The following SOBP variants were observed in gnomAD, a reference collection of about 807,000 sequenced individuals.
The protein encoded by SOBP is sine oculis binding protein homolog, also known as sine oculis-binding protein homolog.
Under a neutral mutation model 53.6 loss-of-function variants are expected in SOBP, and 4 were observed. The observed-to-expected ratio is 0.07, with a 90% confidence interval of 0.04 to 0.17. The LOEUF is 0.17. SOBP is among the 10% of genes least tolerant of loss of function. SOBP has a pLI of 1.00. For synonymous variants in SOBP, 584 were observed against 522.6 expected (o/e 1.12, Z -1.60); for missense variants, 1,088 against 1,204.7 (o/e 0.90, Z 1.43).
intron 3 of SOBP, among the ~76,000 whole-genome samples, chr6:107,515,514 C>T (rs747830802): frequency 5.3e-5 from 8 of 151,992 alleles, no homozygotes; most frequent in East Asian, 3.9e-4. Context: ...TTTGGGAGGC[C>T]GAGGTGGAGG....
At chr6:107,619,180 G>A (rs1434913867) in intron 5 of SOBP, among the ~76,000 whole-genome samples, 11 of 152,102 alleles carry the variant, frequency 7.2e-5, no homozygotes, top group Admixed American at 6.5e-4. Context: ...GGGTGTAAAG[G>A]TGCCATGAGA....
At chr6:107,513,532 A>G (rs1783230965) in intron 3 of SOBP, among the ~76,000 whole-genome samples, 1 of 152,156 alleles carries the variant, frequency 6.6e-6, no homozygotes, top group African/African-American at 2.4e-5. Flanking sequence ...TATTTATTTT[A>G]TCTGTTATTC....
intron 1 of SOBP, among the ~76,000 whole-genome samples, chr6:107,492,382 G>T (rs1173088803): frequency 6.6e-6 from 1 of 152,110 alleles, no homozygotes; most frequent in Non-Finnish European, 1.5e-5. Flanking sequence ...CCTTTAAAAC[G>T]CTGCCTAATG....
At chr6:107,543,032 G>A (rs1562601502) in intron 4 of SOBP, among the ~76,000 whole-genome samples, 1 of 152,150 alleles carries the variant, frequency 6.6e-6, no homozygotes, top group African/African-American at 2.4e-5. Flanking sequence ...CCATCTTTGG[G>A]TAAAGGGATT....
chr6:107,543,433 C>T (rs1432464178), intron 4 of SOBP, among the ~76,000 whole-genome samples: 1 of 152,210 alleles, frequency 6.6e-6, no homozygotes, highest in Non-Finnish European at 1.5e-5. Flanking sequence ...ACATTACATG[C>T]TCATACCTGA....
chr6:107,612,217 C>A (rs988771980), intron 5 of SOBP, among the ~76,000 whole-genome samples: 3 of 152,114 alleles, frequency 2.0e-5, no homozygotes, highest in Non-Finnish European at 4.4e-5. Context: ...TCCAAATGGT[C>A]AACATTGGCT....
chr6:107,572,455 C>G (rs1785101336), intron 4 of SOBP, among the ~76,000 whole-genome samples: 1 of 152,088 alleles, frequency 6.6e-6, no homozygotes, highest in Admixed American at 6.5e-5. Context: ...AGGTGCCCAC[C>G]ACAATGCCCA....
At chr6:107,633,346 C>T (rs528919393) in intron 5 of SOBP, among the ~76,000 whole-genome samples, 168 bp from the exon 6 acceptor site, 1 of 152,244 alleles carries the variant, frequency 6.6e-6, no homozygotes, top group East Asian at 1.9e-4. Context: ...AAAGCCAACC[C>T]ATCATTTTAC....
At chr6:107,553,216 G>T (rs1020026209) in intron 4 of SOBP, among the ~76,000 whole-genome samples, 13 of 151,744 alleles carry the variant, frequency 8.6e-5, no homozygotes, top group Non-Finnish European at 7.4e-5. Context: ...TGTCTCCAGG[G>T]AATACACATG....
intron 2 of SOBP, 111 bp from the exon 3 acceptor site, chr6:107,506,131 A>G: frequency 1.1e-6 from 1 of 932,946 alleles, no homozygotes; most frequent in Non-Finnish European, 1.7e-6. Flanking sequence ...AAGATTTGCA[A>G]GAAAAAATAT....
chr6:107,537,947 G>A (rs990737187), intron 4 of SOBP, among the ~76,000 whole-genome samples: 1 of 151,972 alleles, frequency 6.6e-6, no homozygotes, highest in African/African-American at 2.4e-5. Flanking sequence ...AAAAGAAAAA[G>A]ATGATATAGA....
chr6:107,534,199 G>A (rs541285311), intron 4 of SOBP, among the ~76,000 whole-genome samples: 2 of 152,270 alleles, frequency 1.3e-5, no homozygotes, highest in South Asian at 4.2e-4. Flanking sequence ...AGCGTGGTGG[G>A]TAAACACAGG....
At chr6:107,496,360 C>A (rs1782698523) in intron 1 of SOBP, among the ~76,000 whole-genome samples, 1 of 152,158 alleles carries the variant, frequency 6.6e-6, no homozygotes, top group African/African-American at 2.4e-5. Flanking sequence ...GATGTCCTGG[C>A]AGCAGATTAA....
chr6:107,532,890 G>A (rs979381314), intron 3 of SOBP, among the ~76,000 whole-genome samples: 20 of 152,162 alleles, frequency 1.3e-4, no homozygotes. Context: ...ATCTGGCCAC[G>A]CACATCTTTC....
At chr6:107,504,440 T>G (rs557374802) in intron 2 of SOBP, among the ~76,000 whole-genome samples, 30 of 152,324 alleles carry the variant, frequency 2.0e-4, no homozygotes, top group African/African-American at 6.5e-4. Context: ...TAACACTGAT[T>G]CTACCAGTGG....
chr6:107,490,933 A>G (rs773518817), intron 1 of SOBP, among the ~76,000 whole-genome samples: 2 of 152,034 alleles, frequency 1.3e-5, no homozygotes, highest in African/African-American at 4.8e-5. Context: ...GGGACCACAT[A>G]CTATTTAACC....
chr6:107,572,478 AT>A (rs1785101867), intron 4 of SOBP, among the ~76,000 whole-genome samples: 1 of 151,968 alleles, frequency 6.6e-6, no homozygotes. Context: ...TAGTTTTTGT[AT>A]TTTTAGTAGA....
At chr6:107,564,529 C>T (rs1784862516) in intron 4 of SOBP, among the ~76,000 whole-genome samples, 2 of 147,052 alleles carry the variant, frequency 1.4e-5, no homozygotes, top group South Asian at 4.2e-4. Flanking sequence ...TTCCAGAATT[C>T]TGTGTTTGGC....
chr6:107,604,560 C>G (rs570596978), intron 5 of SOBP, among the ~76,000 whole-genome samples: 3 of 151,946 alleles, frequency 2.0e-5, no homozygotes, highest in East Asian at 3.9e-4. Flanking sequence ...CCTACCCCAC[C>G]TCTACCCACA....
Sources: gnomAD v4.1 joint callset for allele counts (sites outside exome capture counted in the v4.1 genomes callset) on GRCh38, gnomAD v4.1.1 for gene constraint, MANE v1.5 for transcripts, NCBI Gene and HGNC (gene_info 2026-07-23, HGNC 2026-07-21) for gene names.